CACNA1E: variants seen among roughly 807,000 people sequenced by gnomAD.
The protein encoded by CACNA1E is voltage-dependent R-type calcium channel subunit alpha-1E.
CACNA1E carries 40 observed loss-of-function variants against 259.2 expected under a neutral mutation model. The ratio of observed to expected loss-of-function variants is 0.15; its 90% confidence interval spans 0.12 to 0.20. The LOEUF is 0.20. Among genes scored for constraint, CACNA1E ranks in the 10% least tolerant of loss-of-function variants. CACNA1E has a pLI of 1.00. For synonymous variants in CACNA1E, 1,104 were observed against 1,138.5 expected, an observed-to-expected ratio of 0.97 and a Z score of 0.61; for missense variants, 1,874 against 3,040.1, an observed-to-expected ratio of 0.62 and a Z score of 9.02.
intron 45 of CACNA1E, among the ~76,000 whole-genome samples, chr1:181,794,553 C>T (rs1191332231): frequency 6.6e-6 from 1 of 152,242 alleles, no homozygotes; most frequent in African/African-American, 2.4e-5. Flanking sequence ...TGGCTGCGCC[C>T]CATGGTAGAG....
intron 7 of CACNA1E, among the ~76,000 whole-genome samples, chr1:181,686,050 A>G (rs2102293030): frequency 6.7e-6 from 1 of 148,382 alleles, no homozygotes; most frequent in Admixed American, 6.7e-5. Context: ...CTGCCTCCCC[A>G]GGGTAGTCTT....
rs12353940 is a variant in CACNA1E at position 181,474,946 on chromosome 1, T to C, written c.435-8798T>C. On this transcript the variant is annotated intron_variant, in intron 2 of 11. Coordinates refer to the CACNA1E transcript ENST00000524607. Reference sequence around the variant, plus strand: ...CTTAATTTCCTACAAGGGAAGTAAATACCCCTTTTTGATATATATTTATTC... The same window carrying C: ...CTTAATTTCCTACAAGGGAAGTAAACACCCCTTTTTGATATATATTTATTC... Among the ~76,000 whole-genome samples, 321 of 152,350 alleles carry C rather than the reference T, an allele frequency of 2.1e-3. 5 individuals are homozygous for C. The East Asian group carries it at 0.038, about 18-fold the overall frequency.
chr1:181,403,819 G>T (rs942027650), intron 1 of CACNA1E, among the ~76,000 whole-genome samples: 1 of 152,098 alleles, frequency 6.6e-6, no homozygotes, highest in Non-Finnish European at 1.5e-5. Flanking sequence ...GGTGGCTTCC[G>T]GGTTGATTGA....
intron 2 of CACNA1E, among the ~76,000 whole-genome samples, chr1:181,432,404 C>T (rs574360758): frequency 1.6e-4 from 24 of 151,744 alleles, no homozygotes; most frequent in Non-Finnish European, 2.9e-4. Flanking sequence ...TGTATCGTTT[C>T]AACTGAATCA....
At chr1:181,524,631 T>C (rs10910948) in intron 3 of CACNA1E, among the ~76,000 whole-genome samples, 22,646 of 152,214 alleles carry the variant, frequency 0.15, 2,154 homozygotes, top group Non-Finnish European at 0.21. Flanking sequence ...ATCTGGTAGC[T>C]CTGCTGTCCT....
At chr1:181,785,623 G>T in intron 42 of CACNA1E, 90 bp from the exon 43 acceptor site, 3 of 943,932 alleles carry the variant, frequency 3.2e-6, no homozygotes, top group Non-Finnish European at 3.5e-6. Context: ...TAAGTTATGT[G>T]CCTGTATTAT....
intron 25 of CACNA1E, among the ~76,000 whole-genome samples, chr1:181,749,704 A>G (rs1657416865): frequency 6.6e-6 from 1 of 152,222 alleles, no homozygotes; most frequent in African/African-American, 2.4e-5. Context: ...AGAAGTTGTC[A>G]TTATTTCTAT....
Position 181,733,443 on chromosome 1 carries a change from C to A in CACNA1E, c.2955C>A (p.Asn985Lys). The change falls in exon 21 of 48, where the codon AAC becomes AAA. Residue 985 changes from asparagine (N) to lysine (K), a missense_variant. Asn to Lys is a moderately conservative substitution (Grantham distance 94). This residue lies in a region of CACNA1E where 476 missense variants were observed against 514.0 expected (regional missense o/e 0.93). Coordinates refer to ENST00000367573, the MANE Select transcript of CACNA1E (RefSeq NM_001205293.3). ...TCTTCCTCTCTCTTCACAGGACCAA[C>A]AGTCTGATGGTGTCCAGAGGCTCCG... ...EERAQDLRRT[N>K]SLMVSRGSGL... 6.6e-7 allele frequency: 1 copy of A among 1,519,456 alleles called. No individual in the cohort carries two copies. Among genetic ancestry groups the A allele is most frequent in the Non-Finnish European group, 8.8e-7 (1 of 1,132,648 alleles). The allele number at this position is 1,519,456 out of a possible 1,614,324, so 94.1% of individuals were successfully genotyped here.
intron 7 of CACNA1E, among the ~76,000 whole-genome samples, chr1:181,698,795 G>T (rs1376665149): frequency 6.6e-6 from 1 of 152,096 alleles, no homozygotes; most frequent in Admixed American, 6.6e-5. Context: ...TTTTAATGAA[G>T]AACTTAGGTT....
At chr1:181,514,139 T>C (rs1666371080) in intron 3 of CACNA1E, among the ~76,000 whole-genome samples, 1 of 152,160 alleles carries the variant, frequency 6.6e-6, no homozygotes, top group African/African-American at 2.4e-5. Flanking sequence ...TATTTAGTCT[T>C]ACAGTCACAT....
intron 39 of CACNA1E, among the ~76,000 whole-genome samples, chr1:181,782,675 A>G (rs144169909): frequency 1.2e-3 from 176 of 152,154 alleles, no homozygotes; most frequent in African/African-American, 4.0e-3. Context: ...TCCTGCTGCT[A>G]CCTCACATTG....
chr1:181,743,994 C>T (rs558047592), intron 25 of CACNA1E, among the ~76,000 whole-genome samples: 3 of 152,256 alleles, frequency 2.0e-5, no homozygotes, highest in African/African-American at 7.2e-5. Context: ...GCTGTTGTAG[C>T]AGGGCATGGG....
At chr1:181,650,025 A>C (rs1439089463) in intron 6 of CACNA1E, among the ~76,000 whole-genome samples, 1 of 152,246 alleles carries the variant, frequency 6.6e-6, no homozygotes, top group Non-Finnish European at 1.5e-5. Context: ...GCTGTTGTTA[A>C]TGGATGAATC....
At chr1:181,435,685 T>C (rs79078243) in intron 2 of CACNA1E, among the ~76,000 whole-genome samples, 3,240 of 152,286 alleles carry the variant, frequency 0.021, 126 homozygotes, top group African/African-American at 0.073. Context: ...ATATATATTA[T>C]TGAATGAATG....
intron 1 of CACNA1E, among the ~76,000 whole-genome samples, chr1:181,334,959 C>T (rs1055923455): frequency 1.3e-5 from 2 of 152,222 alleles, no homozygotes; most frequent in African/African-American, 4.8e-5. Context: ...CTCTCCCCAT[C>T]TCTCTCTATT....
chr1:181,340,195 A>G (rs61813934), intron 1 of CACNA1E, among the ~76,000 whole-genome samples: 1,723 of 152,082 alleles, frequency 0.011, 19 homozygotes, highest in Non-Finnish European at 0.016. Context: ...ACTTGTCCCA[A>G]TACTATTTAT....
At chr1:181,416,711 C>G (rs143506143) in intron 2 of CACNA1E, among the ~76,000 whole-genome samples, 2 of 152,266 alleles carry the variant, frequency 1.3e-5, no homozygotes, top group Non-Finnish European at 2.9e-5. Context: ...GCAATTTGCT[C>G]CTCACTATTG....
intron 2 of CACNA1E, among the ~76,000 whole-genome samples, chr1:181,430,109 G>A (rs987011811): frequency 1.3e-5 from 2 of 152,154 alleles, no homozygotes; most frequent in African/African-American, 4.8e-5. Flanking sequence ...AAGGCAACTG[G>A]AACATCTCTG....
chr1:181,438,579 G>T (rs1367422601), intron 2 of CACNA1E, among the ~76,000 whole-genome samples: 1 of 151,984 alleles, frequency 6.6e-6, no homozygotes, highest in Non-Finnish European at 1.5e-5. Context: ...TCATTCAGAT[G>T]GTATTTTAGG....
Sources: allele counts gnomAD v4.1 joint callset (sites outside exome capture counted in the v4.1 genomes callset), GRCh38; gene constraint gnomAD v4.1.1; regional missense constraint gnomAD v4.1.1; transcripts MANE v1.5; gene names NCBI Gene and HGNC (gene_info 2026-07-23, HGNC 2026-07-21).